Variants in NFKBIZ observed in about 807,000 individuals in gnomAD.
NFKBIZ encodes the protein NFKB inhibitor zeta.
Under a neutral mutation model 76.8 loss-of-function variants are expected in NFKBIZ, and 19 were observed. The observed-to-expected ratio is 0.25, with a 90% CI of 0.17 to 0.36. The LOEUF (loss-of-function observed/expected upper bound fraction) is 0.36. Among genes scored for constraint, NFKBIZ ranks in the 10% least tolerant of loss-of-function variants. The probability of loss-of-function intolerance (pLI) is 1.00; values close to 1 mark genes in which losing one functional copy is unlikely to be tolerated. For missense variants in NFKBIZ, 829 were observed against 910.9 expected, an observed-to-expected ratio of 0.91 and a Z score of 1.16; for synonymous variants, 368 against 354.8, an observed-to-expected ratio of 1.04 and a Z score of -0.42.
Position 101,855,750 on chromosome 3 carries a change from T to A in NFKBIZ, c.1672T>A (p.Cys558Ser). The change falls in exon 9 of 12, where the codon TGT (cysteine) becomes AGT (serine). Residue 558 changes from cysteine to serine, a missense_variant. Around this residue, in one of 4 missense-constraint regions of NFKBIZ, gnomAD observed 272 missense variants for 384.2 expected, o/e 0.71. Coordinates refer to ENST00000326172, the MANE Select transcript of NFKBIZ (RefSeq NM_031419.4). ...TNYDGLTPLH[C>S]AVIAHNAVVH... ...TCTTCTAGGCCTGACTCCCCTTCAC[T>A]GTGCAGTCATAGCCCACAATGCTGT... 6.2e-7 allele frequency: 1 copy of A among 1,602,448 alleles called. No homozygotes were observed. Among genetic ancestry groups the A allele is most frequent in the Admixed American group, 1.8e-5 (1 of 56,520 alleles).
intron 8 of NFKBIZ, 124 bp downstream of exon 8, chr3:101,855,582 C>A: frequency 1.6e-6 from 2 of 1,238,870 alleles, no homozygotes; most frequent in Admixed American, 2.1e-5. Flanking sequence ...AAATTAGACC[C>A]AAAAAGAGAC....
chr3:101,856,934 A>G, intron 9 of NFKBIZ, 139 bp from the exon 10 acceptor site: 2 of 638,054 alleles, frequency 3.1e-6, no homozygotes, highest in Non-Finnish European at 5.5e-6. Context: ...GGATTAAGCA[A>G]GGCATTTTGG....
In NFKBIZ at chr3:101,854,742, G is replaced by T; in HGVS notation, c.1443+59G>T. The T allele has an allele frequency of 2.5e-6, 3 of 1,183,134 alleles. No homozygotes were observed. In the South Asian group the frequency reaches 3.7e-5, roughly 15 times the overall value. The allele number at this position is 1,183,134 out of a possible 1,614,324, so 73.3% of individuals were successfully genotyped here. A position where few individuals can be genotyped will look rare whatever the true frequency, so the allele number is the denominator to read the frequency against. On this transcript the variant is annotated intron_variant, in intron 6 of 11. Coordinates refer to ENST00000326172, the MANE Select transcript of NFKBIZ (RefSeq NM_031419.4). ...AGGGGGTCATGGTGAAGTGAATGAT[G>T]ACCAGCCTTATGTGTAGATCATCTT...
At chr3:101,851,220 T>G (rs934722428) in intron 1 of NFKBIZ, among the ~76,000 whole-genome samples, 7 of 152,272 alleles carry the variant, frequency 4.6e-5, no homozygotes, top group Non-Finnish European at 8.8e-5. Flanking sequence ...ATTTCCTGAC[T>G]TTGTGAATTT....
intron 2 of NFKBIZ, among the ~76,000 whole-genome samples, chr3:101,835,337 G>T (rs1942704842): frequency 6.6e-6 from 1 of 152,214 alleles, no homozygotes; most frequent in African/African-American, 2.4e-5. Flanking sequence ...GCAAGAATTA[G>T]TGTGCTATTT....
intron 2 of NFKBIZ, among the ~76,000 whole-genome samples, chr3:101,832,511 G>A (rs941239899): frequency 6.6e-6 from 1 of 151,932 alleles, no homozygotes; most frequent in African/African-American, 2.4e-5. Context: ...TCTACTTTTT[G>A]TCTCTATGAA....
At chr3:101,829,581 G>T (rs1348767062) in intron 1 of NFKBIZ, 1 of 152,148 alleles carries the variant, frequency 6.6e-6, no homozygotes, top group Non-Finnish European at 1.5e-5. Context: ...AGCTGACACT[G>T]ATCTGGAGGC....
rs779785022 is a variant in NFKBIZ at position 101,849,841 on chromosome 3, C to T, written c.213C>T (p.Ser71=). The T allele has an allele frequency of 2.7e-6, 4 of 1,473,518 alleles. No individual in the cohort carries two copies. Among genetic ancestry groups the T allele is most frequent in the Middle Eastern group, 2.4e-4 (1 of 4,216 alleles). 91.3% of individuals were successfully genotyped at this position (1,473,518 alleles called of 1,614,324 possible). ...CCGGCTCCGACTCCTCCGACTTCTCCTCTGCCTCGTCGGTGTCCTCCTGCG... is the reference window on the plus strand; with the variant it reads ...CCGGCTCCGACTCCTCCGACTTCTCTTCTGCCTCGTCGGTGTCCTCCTGCG... ...GSPGSDSSDF[S]SASSVSSCGA... is the part of the protein sequence containing the mutation. Residue 71 remains serine, a synonymous_variant, in exon 1 of 12, where the codon TCC becomes TCT. Transcript: ENST00000326172.
rs1943002956 is a variant in NFKBIZ at position 101,853,573 on chromosome 3, A to C, written c.1047A>C (p.Glu349Asp). Residue 349 changes from glutamate (E) to aspartate (D), a missense_variant, in exon 5 of 12, where the codon GAA becomes GAC. Coordinates refer to ENST00000326172, the MANE Select transcript of NFKBIZ (RefSeq NM_031419.4). ...SLVSLLGDQR[E>D]SENIANPMQT... ...TTTCCCTTCTTGGTGATCAAAGGGA[A>C]TCTGAGAATATTGCTAATCCCATGC... The C allele has an allele frequency of 6.2e-7, 1 of 1,614,116 alleles. No individual in the cohort carries two copies. Among genetic ancestry groups the C allele is most frequent in the African/African-American group, 1.3e-5 (1 of 74,940 alleles).
upstream of NFKBIZ, among the ~76,000 whole-genome samples, chr3:101,845,128 C>T (rs938433157): frequency 2.5e-4 from 38 of 151,718 alleles, no homozygotes; most frequent in Non-Finnish European, 4.6e-4. Flanking sequence ...ATTAGCCGGG[C>T]GTGGTGGCGG....
upstream of NFKBIZ, among the ~76,000 whole-genome samples, chr3:101,846,396 C>T (rs57603854): frequency 0.01 from 1,555 of 152,216 alleles, 30 homozygotes; most frequent in African/African-American, 0.035. Context: ...TTTTTTGTAG[C>T]GATATTAACT....
upstream of NFKBIZ, among the ~76,000 whole-genome samples, chr3:101,844,950 A>G (rs1942829835): frequency 6.6e-6 from 1 of 152,066 alleles, no homozygotes; most frequent in African/African-American, 2.4e-5. Flanking sequence ...TGGCTTTTCA[A>G]AAGTTCATTA....
At chr3:101,855,968 C>T (rs1310749160) in intron 9 of NFKBIZ, 66 bp downstream of exon 9, 3 of 1,376,492 alleles carry the variant, frequency 2.2e-6, no homozygotes, top group Non-Finnish European at 3.0e-6. Flanking sequence ...AAAGACCTTG[C>T]TTCCAAGTAC....
chr3:101,829,649 C>T (rs1186913242), exon 2 of NFKBIZ: 1 of 152,150 alleles, frequency 6.6e-6, no homozygotes, highest in Non-Finnish European at 1.5e-5. Context: ...GGCTGAACTT[C>T]ACCTTTTGGC....
intron 2 of NFKBIZ, among the ~76,000 whole-genome samples, chr3:101,830,161 T>G (rs937991442): frequency 2.6e-5 from 4 of 152,194 alleles, no homozygotes; most frequent in Non-Finnish European, 5.9e-5. Context: ...GTAAAATACC[T>G]TCCTTTCAAC....
At chr3:101,858,122 A>G (rs1943078104) in intron 11 of NFKBIZ, 2 of 980,804 alleles carry the variant, frequency 2.0e-6, no homozygotes, top group Non-Finnish European at 2.4e-6. Context: ...TTTTGATGGA[A>G]CTCTTTTCCT....
intron 2 of NFKBIZ, among the ~76,000 whole-genome samples, chr3:101,840,842 A>T (rs539709957): frequency 5.1e-4 from 77 of 152,304 alleles, no homozygotes; most frequent in African/African-American, 1.7e-3. Context: ...ACTCACTCAC[A>T]CCTAGTGGGT....
chr3:101,853,312 C>G lies in NFKBIZ; in HGVS notation c.786C>G (p.Val262=), dbSNP rs114474653. 25 of 1,614,148 alleles carry G rather than the reference C, an allele frequency of 1.5e-5. No individual in the cohort carries two copies. In the East Asian group the frequency reaches 5.6e-4, roughly 36 times the overall value. The part of the protein sequence containing the change: ...EQCQDFHGGQ[V]FSPPQKCQPF... Reference sequence around the variant, plus strand: ...GTCAGGACTTCCATGGAGGGCAGGTCTTTTCTCCACCTCAGAAATGCCAAC... The same window carrying G: ...GTCAGGACTTCCATGGAGGGCAGGTGTTTTCTCCACCTCAGAAATGCCAAC... Residue 262 remains valine, a synonymous_variant, in exon 5 of 12, where the codon GTC becomes GTG. Transcript: ENST00000326172.
chr3:101,849,754 C>T lies in NFKBIZ; in HGVS notation c.126C>T (p.Ala42=). 6.9e-7 allele frequency: 1 copy of T among 1,451,806 alleles called. No individual in the cohort carries two copies. The allele number at this position is 1,451,806 out of a possible 1,614,324, so 89.9% of individuals were successfully genotyped here. The change falls in exon 1 of 12, where the codon GCC becomes GCT. Residue 42 remains alanine, a synonymous_variant. Transcript: ENST00000326172. ...ACTTCTACGGCGCGTCGCCGCCCGC[C>T]GCCGCCCCGGGCGCCTGCGACGCCA... is the stretch of plus-strand genomic sequence containing the variant. ...LSYFYGASPP[A]AAPGACDASC... is the part of the protein sequence containing the mutation.
Sources: gnomAD v4.1 joint callset for allele counts (sites outside exome capture counted in the v4.1 genomes callset) on GRCh38, gnomAD v4.1.1 for gene constraint, gnomAD v4.1.1 regional missense constraint, MANE v1.5 for transcripts, NCBI Gene and HGNC (gene_info 2026-07-23, HGNC 2026-07-21) for gene names.